The following SLC26A4 variants were observed in gnomAD, a reference collection of about 807,000 sequenced individuals.
SLC26A4 encodes solute carrier family 26 member 4, also known as pendrin.
SLC26A4 carries 93 observed loss-of-function variants against 90.4 expected under a neutral mutation model. The ratio of observed to expected loss-of-function variants is 1.03; its 90% CI spans 0.87 to 1.22. The LOEUF (loss-of-function observed/expected upper bound fraction) is 1.22, where lower values mean the gene tolerates loss of function less well. Ranked by LOEUF, SLC26A4 falls within the 50% of genes most tolerant of loss-of-function variation. The probability of loss-of-function intolerance (pLI) is 0.00; values close to 1 mark genes in which losing one functional copy is unlikely to be tolerated. For missense variants in SLC26A4, 1,127 were observed against 946.2 expected (o/e 1.19, Z -2.51); for synonymous variants, 393 against 354.6 (o/e 1.11, Z -1.22).
intron 19 of SLC26A4, among the ~76,000 whole-genome samples, chr7:107,711,283 G>A (rs1352606348): frequency 6.6e-6 from 1 of 151,876 alleles, no homozygotes; most frequent in Non-Finnish European, 1.5e-5. Context: ...ATCATATGAA[G>A]TATCCTTTAA....
chr7:107,712,390 T>C (rs1302823474), intron 19 of SLC26A4, 149 bp from the exon 20 acceptor site: 1 of 621,956 alleles, frequency 1.6e-6, no homozygotes, highest in Non-Finnish European at 2.9e-6. Context: ...AAATTTTAGT[T>C]GGGAAATATA....
chr7:107,699,279 G>C (rs1484118822), intron 14 of SLC26A4, among the ~76,000 whole-genome samples: 1 of 152,164 alleles, frequency 6.6e-6, no homozygotes, highest in African/African-American at 2.4e-5. Context: ...GAAGCAGCTA[G>C]ACTAAAATTG....
intron 10 of SLC26A4, among the ~76,000 whole-genome samples, chr7:107,694,201 T>C (rs1472211954): frequency 1.3e-5 from 2 of 152,200 alleles, no homozygotes; most frequent in Non-Finnish European, 1.5e-5. Context: ...TTCTCTGCCA[T>C]AGCATATATA....
intron 8 of SLC26A4, among the ~76,000 whole-genome samples, chr7:107,684,711 T>C (rs1399366852): frequency 1.3e-5 from 2 of 152,212 alleles, no homozygotes; most frequent in African/African-American, 4.8e-5. Context: ...GGAATTAATA[T>C]TTTTCAAAAG....
At chr7:107,696,897 AAAG>A (rs1441634188) in intron 13 of SLC26A4, among the ~76,000 whole-genome samples, 1 of 152,138 alleles carries the variant, frequency 6.6e-6, no homozygotes, top group South Asian at 2.1e-4. Flanking sequence ...TTGGGCCGTG[AAAG>A]AAGAAGACAC....
In SLC26A4 at chr7:107,661,406, G is replaced by C. The variant is rs1256656503; in HGVS notation, c.-3-233G>C. 1 of 594,886 alleles carries C rather than the reference G, an allele frequency of 1.7e-6. No individual in the cohort carries two copies. Among genetic ancestry groups the C allele is most frequent in the East Asian group, 2.8e-5 (1 of 35,654 alleles). 36.9% of individuals were successfully genotyped at this position (594,886 alleles called of 1,614,324 possible). A position where few individuals can be genotyped will look rare whatever the true frequency, so the allele number is the denominator to read the frequency against. On this transcript the variant is annotated intron_variant, in intron 1 of 20. Coordinates refer to ENST00000644269, the MANE Select transcript of SLC26A4 (RefSeq NM_000441.2). This position sits in a 1 kb window ranked among gnomAD's most constrained non-coding sequence, Gnocchi z 5.1. The stretch of plus-strand genomic sequence containing the variant: ...CAAGTTTGGGGAACCCCGGGCAGCG[G>C]GTGCAGGCCACGAGACCCGAAGGTT...
intron 5 of SLC26A4, 32 bp downstream of exon 5, chr7:107,674,380 T>C: frequency 6.8e-7 from 1 of 1,463,454 alleles, no homozygotes; most frequent in Non-Finnish European, 9.6e-7. Flanking sequence ...TATAGATGGA[T>C]GTAATTTTTA....
intron 16 of SLC26A4, 131 bp from the exon 17 acceptor site, chr7:107,701,696 C>T (rs1430343051): frequency 1.4e-6 from 1 of 705,408 alleles, no homozygotes; most frequent in Non-Finnish European, 2.5e-6. Flanking sequence ...TGAAACCCAT[C>T]CTTAAAAATT....
At chr7:107,713,092 T>G (rs920717838) in intron 20 of SLC26A4, among the ~76,000 whole-genome samples, 6 of 152,248 alleles carry the variant, frequency 3.9e-5, no homozygotes, top group Non-Finnish European at 8.8e-5. Context: ...CAGATGCTCT[T>G]GTGACATCAG....
intron 4 of SLC26A4, among the ~76,000 whole-genome samples, chr7:107,673,919 T>A (rs1488623722): frequency 6.6e-6 from 1 of 152,012 alleles, no homozygotes; most frequent in African/African-American, 2.4e-5. Flanking sequence ...TTGGTAGAGA[T>A]GGGGTTTTAC....
At chr7:107,683,099 A>G (rs1791290139) in intron 6 of SLC26A4, 103 bp from the exon 7 acceptor site, 2 of 864,786 alleles carry the variant, frequency 2.3e-6, no homozygotes, top group East Asian at 5.3e-5. Flanking sequence ...ATGGTTTTTC[A>G]TGTGGGAAGA....
At chr7:107,668,968 A>T (rs1790790853) in intron 3 of SLC26A4, among the ~76,000 whole-genome samples, 1 of 151,850 alleles carries the variant, frequency 6.6e-6, no homozygotes, top group South Asian at 2.1e-4. Context: ...ATTTCTTCTA[A>T]TTTTTTTTCT....
intron 3 of SLC26A4, among the ~76,000 whole-genome samples, chr7:107,669,977 G>A (rs1480377285): frequency 6.6e-6 from 1 of 152,122 alleles, no homozygotes; most frequent in African/African-American, 2.4e-5. Context: ...AGTATACTGA[G>A]AGTTTCCGCT....
At chr7:107,671,462 A>T (rs1790864914) in intron 3 of SLC26A4, among the ~76,000 whole-genome samples, 1 of 152,214 alleles carries the variant, frequency 6.6e-6, no homozygotes, top group Non-Finnish European at 1.5e-5. Flanking sequence ...GGCCTGACCA[A>T]GTTTTTAATC....
intron 13 of SLC26A4, among the ~76,000 whole-genome samples, chr7:107,696,737 C>G (rs1262020220): frequency 6.6e-6 from 1 of 151,962 alleles, no homozygotes; most frequent in Middle Eastern, 3.2e-3. Flanking sequence ...AGGTGAGGAG[C>G]CTGAAGGTGG....
Position 107,682,134 on chromosome 7 carries a change from T to TAAAA in SLC26A4, c.766-1068_766-1067insAAAA, listed in dbSNP as rs1427349921. The stretch of plus-strand genomic sequence containing the variant: ...AAAAAAAAAAAAAAAAAAAAAATTT[T>TAAAA]TTTTATGTTATCTTAGTTCAAGTTT... On this transcript the variant is annotated intron_variant, in intron 6 of 20. Transcript: ENST00000644269. 5.7e-5 allele frequency among the ~76,000 whole-genome samples: 8 copies of TAAAA among 141,094 alleles called. 1 individual carries two copies. The highest frequency in any genetic ancestry group is 8.3e-5 in the African/African-American group (3 of 36,182). The allele number at this position is 141,094 out of a possible 152,430, so 92.6% of individuals were successfully genotyped here. A position where few individuals can be genotyped will look rare whatever the true frequency, so the allele number is the denominator to read the frequency against.
rs1792349476 is a variant in SLC26A4, at chr7:107,716,500, C to G, written c.*1054C>G. On this transcript the variant is annotated 3_prime_UTR_variant, in exon 21 of 21. Coordinates refer to ENST00000644269, the MANE Select transcript of SLC26A4 (RefSeq NM_000441.2). ...AGTGAATTTTTAAAGACAAAGCATT[C>G]TAAATGAACTCAATATAAAAACATT... is the stretch of plus-strand genomic sequence containing the variant. The G allele has an allele frequency of 6.6e-6, 1 of 152,102 alleles. No individual in the cohort carries two copies. Among genetic ancestry groups the G allele is most frequent in the Non-Finnish European group, 1.5e-5 (1 of 68,018 alleles). The allele number at this position is 152,102 out of a possible 1,614,324, so 9.4% of individuals were successfully genotyped here. A position where few individuals can be genotyped will look rare whatever the true frequency, so the allele number is the denominator to read the frequency against.
intron 19 of SLC26A4, among the ~76,000 whole-genome samples, chr7:107,711,502 G>T (rs1584345888): frequency 1.3e-5 from 2 of 151,988 alleles, no homozygotes; most frequent in African/African-American, 4.8e-5. Context: ...GGATTTTTTT[G>T]GACCTTAAAC....
At chr7:107,714,667 C>T (rs1157331265) in intron 20 of SLC26A4, among the ~76,000 whole-genome samples, 1 of 152,096 alleles carries the variant, frequency 6.6e-6, no homozygotes, top group African/African-American at 2.4e-5. Flanking sequence ...GATGGTAAAA[C>T]AATATAGCAC....
Sources: allele counts gnomAD v4.1 joint callset (sites outside exome capture counted in the v4.1 genomes callset), GRCh38; gene constraint gnomAD v4.1.1; non-coding constraint Gnocchi (gnomAD v3.1); transcripts MANE v1.5; gene names NCBI Gene and HGNC (gene_info 2026-07-23, HGNC 2026-07-21).